PRR16: variants seen among roughly 807,000 people sequenced by gnomAD.
PRR16 encodes the protein protein Largen.
Under a neutral mutation model 18.2 loss-of-function variants are expected in PRR16, and 6 were observed. That is an observed-to-expected ratio of 0.33 (90% CI 0.18 to 0.65). The LOEUF (loss-of-function observed/expected upper bound fraction) is 0.65. Among genes scored for constraint, PRR16 ranks in the 30% least tolerant of loss-of-function variants. PRR16 has a pLI of 0.74. For synonymous variants in PRR16, 151 were observed against 147.8 expected, an observed-to-expected ratio of 1.02 and a Z score of -0.16; for missense variants, 412 against 376.6, an observed-to-expected ratio of 1.09 and a Z score of -0.78.
intron 1 of PRR16, among the ~76,000 whole-genome samples, chr5:120,587,057 A>T (rs1580756240): frequency 6.6e-6 from 1 of 152,238 alleles, no homozygotes; most frequent in South Asian, 2.1e-4. Flanking sequence ...TGGATAGACG[A>T]TTAAACATTT....
chr5:120,573,923 C>T (rs1752983752), intron 1 of PRR16, among the ~76,000 whole-genome samples: 1 of 150,050 alleles, frequency 6.7e-6, no homozygotes, highest in Non-Finnish European at 1.5e-5. Flanking sequence ...ATATATCAAA[C>T]ACCATTTAGT....
At chr5:120,731,895 G>C in the PRR16 span, among the ~76,000 whole-genome samples, 17 of 152,118 alleles carry the variant, frequency 1.1e-4, no homozygotes, top group African/African-American at 4.1e-4. Flanking sequence ...ACACACTGGT[G>C]ATAACTATGT....
rs528517836 is a variant in PRR16 at position 120,525,918 on chromosome 5, A to C, written c.159+61273A>C. On this transcript the variant is annotated intron_variant, in intron 1 of 1. Coordinates refer to ENST00000407149, the MANE Select transcript of PRR16 (RefSeq NM_001300783.2). ...CTTTGCTCCCTGCTTCAACAATTAAAAAGAAGAAACAACATTTTTGGACAG... is the reference window on the plus strand; with the variant it reads ...CTTTGCTCCCTGCTTCAACAATTAACAAGAAGAAACAACATTTTTGGACAG... Among the ~76,000 whole-genome samples the C allele has an allele frequency of 4.6e-5, 7 of 152,348 alleles. No homozygotes were observed. In the South Asian group the frequency reaches 1.5e-3, roughly 32 times the overall value.
At chr5:120,722,582 T>TA in the PRR16 span, among the ~76,000 whole-genome samples, 5 of 151,976 alleles carry the variant, frequency 3.3e-5, no homozygotes, top group South Asian at 1.0e-3. Context: ...AATCCCAATG[T>TA]AAAAAAATAT....
chr5:120,765,250 AATG>A, the PRR16 span, among the ~76,000 whole-genome samples: 1 of 152,026 alleles, frequency 6.6e-6, no homozygotes, highest in East Asian at 1.9e-4. Flanking sequence ...ATGTGCCTCT[AATG>A]ATGTTTAAAG....
intron 1 of PRR16, among the ~76,000 whole-genome samples, chr5:120,671,041 CCTTT>C (rs1259702630): frequency 6.6e-6 from 1 of 152,044 alleles, no homozygotes; most frequent in Admixed American, 6.6e-5. Context: ...CATCTCTTTC[CCTTT>C]CTGTCTTTAC....
At chr5:120,794,096 C>T in the PRR16 span, among the ~76,000 whole-genome samples, 1 of 152,062 alleles carries the variant, frequency 6.6e-6, no homozygotes, top group Non-Finnish European at 1.5e-5. Flanking sequence ...ACATTTTCCT[C>T]CCACCACCAA....
chr5:120,760,357 C>G, the PRR16 span, among the ~76,000 whole-genome samples: 1 of 151,726 alleles, frequency 6.6e-6, no homozygotes, highest in Non-Finnish European at 1.5e-5. Flanking sequence ...ACAATATACC[C>G]ATACCCTCTT....
chr5:120,596,117 G>A (rs1753805520), intron 1 of PRR16, among the ~76,000 whole-genome samples: 2 of 130,636 alleles, frequency 1.5e-5, no homozygotes, highest in African/African-American at 5.8e-5. Context: ...CATTCCAGAT[G>A]TTCTATTTTT....
chr5:120,664,983 T>G (rs1487259003), intron 1 of PRR16, among the ~76,000 whole-genome samples: 1 of 151,904 alleles, frequency 6.6e-6, no homozygotes, highest in Non-Finnish European at 1.5e-5. Context: ...GTAAAGGGAT[T>G]GCTGGGTCAA....
At chr5:120,577,906 A>C (rs1050028769) in intron 1 of PRR16, among the ~76,000 whole-genome samples, 4 of 152,248 alleles carry the variant, frequency 2.6e-5, no homozygotes, top group African/African-American at 4.8e-5. Context: ...GTTCACACTG[A>C]TAGAAAGTGG....
chr5:120,524,459 C>A (rs190550518), intron 1 of PRR16, among the ~76,000 whole-genome samples: 1 of 151,820 alleles, frequency 6.6e-6, no homozygotes, highest in Non-Finnish European at 1.5e-5. Flanking sequence ...TCACTGATAT[C>A]CAAACTATTA....
intron 1 of PRR16, among the ~76,000 whole-genome samples, chr5:120,532,074 A>C (rs1203239594): frequency 1.3e-5 from 2 of 152,188 alleles, no homozygotes; most frequent in African/African-American, 2.4e-5. Context: ...TTTTATCAAC[A>C]GAGAAAATGA....
intron 1 of PRR16, among the ~76,000 whole-genome samples, chr5:120,544,150 G>T (rs568303280): frequency 6.6e-6 from 1 of 152,038 alleles, no homozygotes; most frequent in African/African-American, 2.4e-5. Flanking sequence ...GAGTGAAAAA[G>T]GAAAACACAG....
intron 1 of PRR16, among the ~76,000 whole-genome samples, chr5:120,607,148 G>T (rs1415903456): frequency 6.6e-6 from 1 of 151,998 alleles, no homozygotes; most frequent in Non-Finnish European, 1.5e-5. Context: ...CAATTCAATT[G>T]TTTCAATAAA....
chr5:120,716,322 C>T, the PRR16 span, among the ~76,000 whole-genome samples: 1 of 152,120 alleles, frequency 6.6e-6, no homozygotes, highest in African/African-American at 2.4e-5. Context: ...CAAGTGAATT[C>T]CACCTCTTTT....
chr5:120,499,504 T>A (rs560867367), intron 1 of PRR16, among the ~76,000 whole-genome samples: 4 of 152,238 alleles, frequency 2.6e-5, no homozygotes, highest in Admixed American at 6.5e-5. Context: ...ATATCTTCAA[T>A]TCATGGATTC....
chr5:120,736,360 GT>G, the PRR16 span, among the ~76,000 whole-genome samples: 1 of 152,002 alleles, frequency 6.6e-6, no homozygotes, highest in Non-Finnish European at 1.5e-5. Flanking sequence ...TGTCTCCCGG[GT>G]TCAAGTGATT....
rs1347835806 is a variant in PRR16, at chr5:120,650,448, A to G, written c.160-35506A>G. Among the ~76,000 whole-genome samples, 3 of 151,222 alleles carry G rather than the reference A, an allele frequency of 2.0e-5. No individual in the cohort carries two copies. In the East Asian group the frequency reaches 5.9e-4, roughly 30 times the overall value. ...ACCCAGTAACTCATCATTTAACATT[A>G]GGTATATCTCCAAATGCCATCCCTC... is the stretch of plus-strand genomic sequence containing the variant. On this transcript the variant is annotated intron_variant, in intron 1 of 1. Transcript: ENST00000407149.
Sources: allele counts gnomAD v4.1 joint callset (sites outside exome capture counted in the v4.1 genomes callset), GRCh38; gene constraint gnomAD v4.1.1; transcripts MANE v1.5; gene names NCBI Gene and HGNC (gene_info 2026-07-23, HGNC 2026-07-21).